Variants in DNAH5 observed in about 807,000 individuals in gnomAD.
The protein encoded by DNAH5 is axonemal beta dynein heavy chain 5.
In DNAH5, 372 loss-of-function variants were observed where a neutral mutation model predicts 518.2. That is an observed-to-expected ratio of 0.72 (90% confidence interval 0.66 to 0.78). The LOEUF is 0.78. Ranked by LOEUF, DNAH5 falls within the 30% of genes least tolerant of loss-of-function variation. The pLI is 0.00. For synonymous variants in DNAH5, 2,039 were observed against 2,025.9 expected (o/e 1.01, Z -0.17); for missense variants, 5,523 against 5,687.0 (o/e 0.97, Z 0.93).
chr5:13,732,986 A>C (rs775142872), intron 68 of DNAH5, among the ~76,000 whole-genome samples: 11 of 152,280 alleles, frequency 7.2e-5, no homozygotes, highest in Admixed American at 2.0e-4. Context: ...CAGTGTTACA[A>C]ACAGCTGTTG....
chr5:13,921,905 G>C (rs749505171), intron 5 of DNAH5, among the ~76,000 whole-genome samples: 23 of 152,094 alleles, frequency 1.5e-4, no homozygotes, highest in Non-Finnish European at 2.8e-4. Flanking sequence ...TGGAACCCCT[G>C]AATGTGTTGA....
intron 1 of DNAH5, among the ~76,000 whole-genome samples, chr5:13,964,493 C>T (rs754694054): frequency 6.6e-6 from 1 of 152,224 alleles, no homozygotes; most frequent in Admixed American, 6.5e-5. Context: ...CCAAGAGGGG[C>T]TAGAGGCAGA....
At chr5:13,729,287 A>T in intron 69 of DNAH5, 152 bp downstream of exon 69, 1 of 995,746 alleles carries the variant, frequency 1.0e-6, no homozygotes, top group Non-Finnish European at 1.5e-6. Flanking sequence ...ATCAGAGTGT[A>T]AGTGTGCTTT....
At chr5:13,979,386 T>C (rs944520281) in intron 1 of DNAH5, among the ~76,000 whole-genome samples, 9 of 152,200 alleles carry the variant, frequency 5.9e-5, no homozygotes, top group Non-Finnish European at 8.8e-5. Context: ...TTAATGTTAT[T>C]GTCATCACCC....
chr5:13,810,108 C>A lies in DNAH5; in HGVS notation c.7560G>T (p.Pro2520=), dbSNP rs762130845. The change falls in exon 45 of 79, where the codon CCG becomes CCT. Residue 2520 remains proline, a synonymous_variant. Transcript: ENST00000265104. ...AGGCGGTGTCCCCGGGCCCCGCTGG[C>A]GGCGGCAGCTCCAGCGTCCCTGTGG... ...SRPTGTLELP[P]PAGPGDTAFD... is the part of the protein sequence containing the mutation. 3 of 1,551,166 alleles carry A rather than the reference C, an allele frequency of 1.9e-6. No homozygotes were observed. The highest frequency in any genetic ancestry group is 2.7e-5 in the African/African-American group (2 of 73,164).
intron 54 of DNAH5, 108 bp from the exon 55 acceptor site, chr5:13,776,814 C>A (rs890965117): frequency 3.2e-6 from 4 of 1,248,566 alleles, no homozygotes; most frequent in Non-Finnish European, 4.6e-6. Flanking sequence ...TTCTTGAACT[C>A]ACCTACAGAA....
At chr5:13,914,442 T>C in intron 10 of DNAH5, 78 bp downstream of exon 10, 4 of 1,479,350 alleles carry the variant, frequency 2.7e-6, no homozygotes, top group East Asian at 4.6e-5. Context: ...GATATAATAA[T>C]TACAAAATGA....
Position 13,844,887 on chromosome 5 carries a change from G to T in DNAH5, c.5221C>A (p.His1741Asn). 8 of 1,614,182 alleles carry T rather than the reference G, an allele frequency of 5.0e-6. No individual in the cohort carries two copies. Among genetic ancestry groups the T allele is most frequent in the Non-Finnish European group, 5.1e-6 (6 of 1,180,034 alleles). ...ATGTTGTCAAACACATTCAGCAAAT[G>T]GGCCTGTATAGTGTGGGAGTCCGAC... ...QASDSHTIQA[H>N]LLNVFDNIKS... Residue 1741 changes from histidine (H) to asparagine (N), a missense_variant, in exon 32 of 79, where the codon CAT becomes AAT. This residue lies in a region of DNAH5 where 5,121 missense variants were observed against 5,223.3 expected (regional missense o/e 0.98). Transcript: ENST00000265104.
intron 78 of DNAH5, among the ~76,000 whole-genome samples, chr5:13,697,414 A>G (rs1330899068): frequency 6.6e-6 from 1 of 151,682 alleles, no homozygotes; most frequent in Non-Finnish European, 1.5e-5. Flanking sequence ...CTGATGCTCA[A>G]CTCTCCCCTT....
At chr5:13,786,410 C>G in intron 51 of DNAH5, 59 bp from the exon 52 acceptor site, 1 of 1,483,992 alleles carries the variant, frequency 6.7e-7, no homozygotes, top group Non-Finnish European at 9.4e-7. Flanking sequence ...TTACTTCAAT[C>G]TAAATTAATA....
chr5:13,718,849 C>T, intron 72 of DNAH5, 33 bp downstream of exon 72: 1 of 1,544,248 alleles, frequency 6.5e-7, no homozygotes, highest in Non-Finnish European at 9.0e-7. Context: ...AGTAAGGAAA[C>T]TCCTGTAGAC....
intron 56 of DNAH5, among the ~76,000 whole-genome samples, chr5:13,770,005 C>T (rs7715978): frequency 0.66 from 100,357 of 152,088 alleles, 33,453 homozygotes; most frequent in African/African-American, 0.71. Context: ...CATATGAAGT[C>T]AAAAGAAGAA....
chr5:13,907,713 C>T (rs1775502685), intron 12 of DNAH5, among the ~76,000 whole-genome samples: 1 of 151,826 alleles, frequency 6.6e-6, no homozygotes, highest in African/African-American at 2.4e-5. Flanking sequence ...ACAATTTATT[C>T]TTTGTGCATC....
At chr5:13,786,135 T>C (rs1755949741) in intron 52 of DNAH5, 44 bp downstream of exon 52, 1 of 1,604,094 alleles carries the variant, frequency 6.2e-7, no homozygotes, top group Non-Finnish European at 8.5e-7. Flanking sequence ...TGAAGCCAAA[T>C]GTCTGTCACC....
At chr5:13,788,647 C>A in intron 51 of DNAH5, 69 bp downstream of exon 51, 1 of 1,328,830 alleles carries the variant, frequency 7.5e-7, no homozygotes, top group South Asian at 1.2e-5. Flanking sequence ...TAAACTGAAT[C>A]TTCTGTCTTC....
chr5:13,934,088 G>A (rs891595203), intron 1 of DNAH5, among the ~76,000 whole-genome samples: 3 of 152,160 alleles, frequency 2.0e-5, no homozygotes, highest in African/African-American at 7.2e-5. Context: ...GAGGGTAAAT[G>A]AGATGGGACT....
At chr5:13,933,807 AAAC>A (rs1560964431) in intron 1 of DNAH5, among the ~76,000 whole-genome samples, 1 of 151,722 alleles carries the variant, frequency 6.6e-6, no homozygotes, top group African/African-American at 2.4e-5. Flanking sequence ...AAAAAAAAAA[AAAC>A]TAAGGATGAA....
intron 61 of DNAH5, 121 bp downstream of exon 61, chr5:13,758,725 T>A: frequency 7.1e-7 from 1 of 1,401,362 alleles, no homozygotes; most frequent in Admixed American, 1.7e-5. Context: ...ACCCTTGGTG[T>A]CCATTATGTG....
Position 13,762,751 on chromosome 5 carries a change from A to G in DNAH5, c.10252T>C (p.Ser3418Pro). 1 of 1,614,104 alleles carries G rather than the reference A, an allele frequency of 6.2e-7. No homozygotes were observed. Among genetic ancestry groups the G allele is most frequent in the Non-Finnish European group, 8.5e-7 (1 of 1,179,988 alleles). The change falls in exon 60 of 79, where the codon TCT becomes CCT. Residue 3418 changes from serine (S) to proline (P), a missense_variant. Ser to Pro is a moderately conservative substitution (Grantham distance 74). Around this residue, in one of 3 missense-constraint regions of DNAH5, gnomAD observed 5,121 missense variants for 5,223.3 expected, o/e 0.98. Coordinates refer to ENST00000265104, the MANE Select transcript of DNAH5 (RefSeq NM_001369.3). ...AGAGGCAGTACTTCTTTGTTTATAGAAAAGAAGGAAGCCATAGCTTTCGTC... is the reference window on the plus strand; with the variant it reads ...AGAGGCAGTACTTCTTTGTTTATAGGAAAGAAGGAAGCCATAGCTTTCGTC... ...SWTKAMASFF[S>P]INKEVLPLKA...
Sources: gnomAD v4.1 joint callset for allele counts (sites outside exome capture counted in the v4.1 genomes callset) on GRCh38, gnomAD v4.1.1 for gene constraint, gnomAD v4.1.1 regional missense constraint, MANE v1.5 for transcripts, NCBI Gene and HGNC (gene_info 2026-07-23, HGNC 2026-07-21) for gene names.